The following TMIGD3 variants were observed in gnomAD, a reference collection of about 807,000 sequenced individuals.
The protein encoded by TMIGD3 is AD026 protein (AD026).
Under a neutral mutation model 28.1 loss-of-function variants are expected in TMIGD3, and 21 were observed. The ratio of observed to expected loss-of-function variants is 0.75; its 90% CI spans 0.53 to 1.08. The LOEUF (loss-of-function observed/expected upper bound fraction) is 1.08, where lower values mean the gene tolerates loss of function less well. Ranked by LOEUF, TMIGD3 falls within the 50% of genes least tolerant of loss-of-function variation. The pLI, the probability that TMIGD3 is intolerant of heterozygous loss-of-function variation, is 0.00. For synonymous variants in TMIGD3, 151 were observed against 162.1 expected, an observed-to-expected ratio of 0.93 and a Z score of 0.52; for missense variants, 416 against 435.6, an observed-to-expected ratio of 0.96 and a Z score of 0.40.
upstream of TMIGD3, chr1:111,503,644 G>C (rs1655369298): frequency 8.6e-7 from 1 of 1,160,118 alleles, no homozygotes; most frequent in African/African-American, 1.6e-5. Flanking sequence ...GAATCTGAAA[G>C]TGCTGCTGCT....
At chr1:111,519,890 A>T (rs932973737) in intron 1 of TMIGD3, among the ~76,000 whole-genome samples, 1 of 151,814 alleles carries the variant, frequency 6.6e-6, no homozygotes, top group Non-Finnish European at 1.5e-5. Context: ...ATGGGGTTTC[A>T]CCATATCGTC....
chr1:111,510,702 A>G (rs1655661015), intron 1 of TMIGD3, among the ~76,000 whole-genome samples: 1 of 152,094 alleles, frequency 6.6e-6, no homozygotes, highest in Non-Finnish European at 1.5e-5. Flanking sequence ...CATTTTTGGC[A>G]GTGTGCAAGG....
At chr1:111,499,577 G>A in intron 1 of TMIGD3, 1 of 1,027,006 alleles carries the variant, frequency 9.7e-7, no homozygotes, top group Non-Finnish European at 1.2e-6. Flanking sequence ...CAATGGTATG[G>A]AAATGAGTCA....
intron 1 of TMIGD3, 112 bp downstream of exon 1, chr1:111,502,893 C>G: frequency 7.3e-7 from 1 of 1,362,930 alleles, no homozygotes; most frequent in Non-Finnish European, 9.9e-7. Context: ...TGCCCTCTTT[C>G]AACATCAAGG....
In TMIGD3 at chr1:111,539,329, C is replaced by T. The variant is rs182492381; in HGVS notation, c.107+24517G>A. ...CTTTCTTTTCTTTGAGACGGAGTCTCGCTCTGTCGCCAGGCTGGAGTGCAG... is the reference window on the plus strand; with the variant it reads ...CTTTCTTTTCTTTGAGACGGAGTCTTGCTCTGTCGCCAGGCTGGAGTGCAG... On this transcript the variant is annotated intron_variant, in intron 1 of 5. Coordinates refer to the TMIGD3 transcript ENST00000369717. 3.3e-3 allele frequency among the ~76,000 whole-genome samples: 506 copies of T among 152,252 alleles called. 11 individuals are homozygous for T. The highest frequency in any genetic ancestry group is 0.025 in the Admixed American group (389 of 15,286).
chr1:111,529,372 C>CT (rs1256634109), intron 1 of TMIGD3, among the ~76,000 whole-genome samples: 25 of 133,880 alleles, frequency 1.9e-4, no homozygotes, highest in Non-Finnish European at 2.7e-4. Flanking sequence ...TTCTTTCTTT[C>CT]TTTCTTTTTT....
chr1:111,500,016 G>A (rs1410092565), intron 1 of TMIGD3: 1 of 1,614,058 alleles, frequency 6.2e-7, no homozygotes, highest in Non-Finnish European at 8.5e-7. Flanking sequence ...CACAAGCTTT[G>A]AGGATCAAAA....
At chr1:111,544,147 A>C (rs1265259037) in intron 1 of TMIGD3, among the ~76,000 whole-genome samples, 1 of 152,192 alleles carries the variant, frequency 6.6e-6, no homozygotes, top group East Asian at 1.9e-4. Flanking sequence ...TGTTAATGCA[A>C]TATTATTCTC....
intron 1 of TMIGD3, among the ~76,000 whole-genome samples, chr1:111,529,251 A>G (rs1396622460): frequency 2.0e-5 from 3 of 152,064 alleles, no homozygotes; most frequent in Non-Finnish European, 4.4e-5. Flanking sequence ...AGACTTTCCA[A>G]GCAGGAAGGG....
chr1:111,497,094 G>T (rs1557820165), intron 1 of TMIGD3, among the ~76,000 whole-genome samples: 1 of 152,142 alleles, frequency 6.6e-6, no homozygotes, highest in East Asian at 1.9e-4. Context: ...GTTCCCAGGA[G>T]ATTCCTGTGA....
At chr1:111,532,856 T>C (rs956375534) in intron 1 of TMIGD3, among the ~76,000 whole-genome samples, 22 of 152,180 alleles carry the variant, frequency 1.4e-4, no homozygotes, top group African/African-American at 5.1e-4. Flanking sequence ...ATGGATGAGC[T>C]GATAGCGGAC....
intron 2 of TMIGD3, chr1:111,489,673 A>G (rs769692343): frequency 5.6e-6 from 6 of 1,080,994 alleles, no homozygotes; most frequent in Admixed American, 7.3e-5. Context: ...TACCGTTAGG[A>G]GGCCCTCTGT....
At chr1:111,510,588 C>G (rs895211877) in intron 1 of TMIGD3, among the ~76,000 whole-genome samples, 3 of 152,128 alleles carry the variant, frequency 2.0e-5, no homozygotes, top group Non-Finnish European at 4.4e-5. Context: ...GGTAATCACA[C>G]TTGGCTTAGG....
chr1:111,499,711 G>A (rs1187779807), intron 1 of TMIGD3: 14 of 1,334,552 alleles, frequency 1.0e-5, no homozygotes, highest in South Asian at 1.7e-5. Flanking sequence ...TCAATAATAC[G>A]TTGTCCCCAA....
intron 5 of TMIGD3, 93 bp from the exon 6 acceptor site, chr1:111,483,850 G>A (rs905267838): frequency 6.0e-6 from 6 of 999,440 alleles, no homozygotes; most frequent in Non-Finnish European, 7.9e-6. Flanking sequence ...ACTCTGTCAT[G>A]GGGCTTTCAT....
At chr1:111,511,674 T>TACACACACACACACACACAC (rs72064023) in intron 1 of TMIGD3, among the ~76,000 whole-genome samples, 6,429 of 148,848 alleles carry the variant, frequency 0.043, 156 homozygotes, top group East Asian at 0.1. Context: ...TGGTGCCCTT[T>TACACACACACACACACACAC]ACACACACAC....
At chr1:111,488,270 AG>A in intron 3 of TMIGD3, among the ~76,000 whole-genome samples, 1 of 149,646 alleles carries the variant, frequency 6.7e-6, no homozygotes, top group South Asian at 2.1e-4. Context: ...TCGCCCAGGC[AG>A]GAGTGCAGTG....
At chr1:111,486,673 TA>T (rs1385858694) in intron 3 of TMIGD3, 21 bp from the exon 4 acceptor site, 2 of 1,610,796 alleles carry the variant, frequency 1.2e-6, no homozygotes, top group South Asian at 2.2e-5. Context: ...AAGGATTTGT[TA>T]AGTCAGGTGA....
chr1:111,504,019 T>C, upstream of TMIGD3: 2 of 985,418 alleles, frequency 2.0e-6, no homozygotes, highest in Non-Finnish European at 2.4e-6. Context: ...AAAGAGACTT[T>C]GGTGGCAGCC....
Sources: allele counts gnomAD v4.1 joint callset (sites outside exome capture counted in the v4.1 genomes callset), GRCh38; gene constraint gnomAD v4.1.1; transcripts MANE v1.5; gene names NCBI Gene and HGNC (gene_info 2026-07-23, HGNC 2026-07-21).